The following LNP1 variants were observed in gnomAD, a reference collection of about 807,000 sequenced individuals.
LNP1 encodes leukemia NUP98 fusion partner 1.
LNP1 carries 12 observed loss-of-function variants against 14.5 expected under a neutral mutation model. The observed-to-expected ratio is 0.83, with a 90% confidence interval of 0.53 to 1.34. The LOEUF (loss-of-function observed/expected upper bound fraction) is 1.34, where lower values mean the gene tolerates loss of function less well. LNP1 is among the 40% of genes most tolerant of loss of function. LNP1 has a pLI of 0.00. For missense variants in LNP1, 198 were observed against 210.9 expected, an observed-to-expected ratio of 0.94 and a Z score of 0.38; for synonymous variants, 75 against 71.4, an observed-to-expected ratio of 1.05 and a Z score of -0.26.
intron 1 of LNP1, among the ~76,000 whole-genome samples, chr3:100,427,871 A>G (rs1707209252): frequency 6.6e-6 from 1 of 152,258 alleles, no homozygotes; most frequent in African/African-American, 2.4e-5. Context: ...TTTGCAAAAA[A>G]TAAAAATGTT....
intron 2 of LNP1, among the ~76,000 whole-genome samples, chr3:100,444,168 A>G (rs901581675): frequency 1.3e-5 from 2 of 152,168 alleles, no homozygotes; most frequent in African/African-American, 4.8e-5. Flanking sequence ...CTCATTCAAG[A>G]GCACCTGTTA....
At position 100,429,704 on chromosome 3, in the gene LNP1, C is replaced by T; in HGVS notation, c.-26C>T. ...TCCCTCTGTCGCATTTAGGGACAGGCCTTCAGTATTTGGCATCACCTTTAC... is the reference window on the plus strand; with the variant it reads ...TCCCTCTGTCGCATTTAGGGACAGGTCTTCAGTATTTGGCATCACCTTTAC... On this transcript the variant is annotated 5_prime_UTR_variant, in exon 2 of 4. Transcript: ENST00000383693. The T allele has an allele frequency of 2.5e-6, 4 of 1,606,642 alleles. No individual in the cohort carries two copies. Among genetic ancestry groups the T allele is most frequent in the Non-Finnish European group, 3.4e-6 (4 of 1,175,246 alleles).
At chr3:100,449,359 A>G (rs1277533697) in intron 2 of LNP1, among the ~76,000 whole-genome samples, 1 of 152,216 alleles carries the variant, frequency 6.6e-6, no homozygotes, top group Non-Finnish European at 1.5e-5. Context: ...CAGGTGACAC[A>G]GTACAAAAGC....
chr3:100,433,186 AG>A (rs778643671), intron 2 of LNP1, among the ~76,000 whole-genome samples: 44 of 152,124 alleles, frequency 2.9e-4, no homozygotes, highest in Non-Finnish European at 5.9e-4. Context: ...TGCATGCATT[AG>A]GTATTTGTCC....
rs150618752 is a variant in LNP1, at chr3:100,454,827, C to T, written c.388-950C>T. On this transcript the variant is annotated intron_variant, in intron 3 of 3. Coordinates refer to ENST00000383693, the MANE Select transcript of LNP1 (RefSeq NM_001085451.2). ...ATGCCTCAATAACTCTCAACTAACA[C>T]GGCTGAGCAAGCATGACCTTGCTCA... Among the ~76,000 whole-genome samples the T allele has an allele frequency of 4.3e-3, 653 of 152,306 alleles. 3 individuals carry two copies. Among genetic ancestry groups the T allele is most frequent in the African/African-American group, 0.015 (613 of 41,572 alleles).
chr3:100,436,935 C>T (rs1707299245), intron 2 of LNP1, among the ~76,000 whole-genome samples: 1 of 152,126 alleles, frequency 6.6e-6, no homozygotes, highest in African/African-American at 2.4e-5. Flanking sequence ...AAAAAGCAGT[C>T]ATGTGAGGTT....
chr3:100,424,852 T>C (rs1707177519), intron 1 of LNP1, among the ~76,000 whole-genome samples: 1 of 152,200 alleles, frequency 6.6e-6, no homozygotes, highest in African/African-American at 2.4e-5. Context: ...TTAACAGTAG[T>C]GTCCCACGAC....
chr3:100,402,557 C>T (rs1220546897), intron 1 of LNP1, 118 bp downstream of exon 1: 1 of 152,140 alleles, frequency 6.6e-6, no homozygotes, highest in African/African-American at 2.4e-5. Flanking sequence ...AGGCTTTTCT[C>T]CCCTCCTGAT....
chr3:100,410,050 T>C (rs965938368), intron 1 of LNP1, among the ~76,000 whole-genome samples: 1 of 152,108 alleles, frequency 6.6e-6, no homozygotes. Flanking sequence ...AGAACCCTAA[T>C]ACAGATTTTG....
In LNP1 at chr3:100,456,298, T is replaced by C. The variant is rs1011757168; in HGVS notation, c.*372T>C. The C allele has an allele frequency of 2.5e-5, 4 of 159,220 alleles. No individual in the cohort carries two copies. Among genetic ancestry groups the C allele is most frequent in the Non-Finnish European group, 5.4e-5 (4 of 73,658 alleles). The allele number at this position is 159,220 out of a possible 1,614,324, so 9.9% of individuals were successfully genotyped here. A position where few individuals can be genotyped will look rare whatever the true frequency, so the allele number is the denominator to read the frequency against. ...TCACACATCAACTCATAAATCATCT[T>C]AAATAAAAGTCATTGGTATGACTCT... On this transcript the variant is annotated 3_prime_UTR_variant, in exon 4 of 4. Transcript: ENST00000383693.
intron 1 of LNP1, among the ~76,000 whole-genome samples, chr3:100,411,800 C>A (rs1006171356): frequency 6.6e-6 from 1 of 152,110 alleles, no homozygotes; most frequent in African/African-American, 2.4e-5. Flanking sequence ...TCTCATCTAA[C>A]CCAAATTACC....
intron 1 of LNP1, among the ~76,000 whole-genome samples, chr3:100,428,389 G>A (rs1707213614): frequency 6.6e-6 from 1 of 151,910 alleles, no homozygotes; most frequent in African/African-American, 2.4e-5. Context: ...AAAATTAGCT[G>A]GGCTTGGTGG....
intron 1 of LNP1, among the ~76,000 whole-genome samples, chr3:100,426,123 T>C (rs576584606): frequency 6.6e-6 from 1 of 152,208 alleles, no homozygotes; most frequent in African/African-American, 2.4e-5. Context: ...TTGGGATTCA[T>C]CATTTCTGGT....
intron 2 of LNP1, among the ~76,000 whole-genome samples, chr3:100,431,642 T>C (rs1216476906): frequency 6.6e-6 from 1 of 152,004 alleles, no homozygotes; most frequent in East Asian, 1.9e-4. Flanking sequence ...CATAATGCTG[T>C]ATATGTATAA....
intron 1 of LNP1, among the ~76,000 whole-genome samples, chr3:100,417,756 C>T (rs375083341): frequency 1.3e-5 from 2 of 152,072 alleles, no homozygotes; most frequent in African/African-American, 4.8e-5. Context: ...AGTATTTGCT[C>T]TGTTCCCTTG....
intron 1 of LNP1, among the ~76,000 whole-genome samples, chr3:100,415,210 C>T (rs1279634557): frequency 6.6e-6 from 1 of 152,032 alleles, no homozygotes; most frequent in Non-Finnish European, 1.5e-5. Context: ...GAAGATAAGA[C>T]ATACTGGGAA....
At chr3:100,439,692 C>G (rs1707327741) in intron 2 of LNP1, among the ~76,000 whole-genome samples, 1 of 152,084 alleles carries the variant, frequency 6.6e-6, no homozygotes. Flanking sequence ...TAGCATTTAG[C>G]CAAGGACGTA....
At chr3:100,436,708 C>A (rs1210032948) in intron 2 of LNP1, among the ~76,000 whole-genome samples, 1 of 152,014 alleles carries the variant, frequency 6.6e-6, no homozygotes, top group African/African-American at 2.4e-5. Flanking sequence ...AACATATGTT[C>A]TGTTATGGAC....
In LNP1 at chr3:100,432,107, G is replaced by A. The variant is rs1414745174; in HGVS notation, c.156+2222G>A. ...AATTTTTTGTCTGCTTTGAGCTAAT[G>A]GAAATACCTTAAAGAGAAAAGCTTA... On this transcript the variant is annotated intron_variant, in intron 2 of 3. Coordinates refer to ENST00000383693, the MANE Select transcript of LNP1 (RefSeq NM_001085451.2). Among the ~76,000 whole-genome samples, 5 of 141,738 alleles carry A rather than the reference G, an allele frequency of 3.5e-5. No individual in the cohort carries two copies. In the Admixed American group the frequency reaches 3.6e-4, roughly 10 times the overall value. The allele number at this position is 141,738 out of a possible 152,430, so 93.0% of individuals were successfully genotyped here. A position where few individuals can be genotyped will look rare whatever the true frequency, so the allele number is the denominator to read the frequency against.
Sources: allele counts gnomAD v4.1 joint callset (sites outside exome capture counted in the v4.1 genomes callset), GRCh38; gene constraint gnomAD v4.1.1; transcripts MANE v1.5; gene names NCBI Gene and HGNC (gene_info 2026-07-23, HGNC 2026-07-21).